DENND2A: variants seen among roughly 807,000 people sequenced by gnomAD.
DENND2A encodes the protein DENN domain-containing protein 2A.
In DENND2A, 53 loss-of-function variants were observed where a neutral mutation model predicts 105.3. That is an observed-to-expected ratio of 0.50 (90% CI 0.40 to 0.63). The LOEUF (loss-of-function observed/expected upper bound fraction) is 0.63. Ranked by LOEUF, DENND2A falls within the 30% of genes least tolerant of loss-of-function variation. The probability of loss-of-function intolerance (pLI) is 0.00; values close to 1 mark genes in which losing one functional copy is unlikely to be tolerated. For synonymous variants in DENND2A, 522 were observed against 508.4 expected (o/e 1.03, Z -0.36); for missense variants, 1,138 against 1,279.6 (o/e 0.89, Z 1.69).
chr7:140,577,981 C>T (rs962359840), intron 5 of DENND2A, among the ~76,000 whole-genome samples: 1 of 152,102 alleles, frequency 6.6e-6, no homozygotes, highest in Non-Finnish European at 1.5e-5. Flanking sequence ...GATCAGAGGA[C>T]CTTACACCAA....
At chr7:140,624,308 T>G (rs1007773617) in intron 1 of DENND2A, among the ~76,000 whole-genome samples, 2 of 152,100 alleles carry the variant, frequency 1.3e-5, no homozygotes, top group Non-Finnish European at 2.9e-5. Context: ...ACAGTGCTTC[T>G]CAGAGGTCCC....
intron 14 of DENND2A, among the ~76,000 whole-genome samples, chr7:140,539,897 C>A (rs955101132): frequency 2.6e-5 from 4 of 152,166 alleles, no homozygotes; most frequent in Non-Finnish European, 4.4e-5. Flanking sequence ...TATTGGGCAG[C>A]GGGGAGAGCA....
chr7:140,604,915 T>C (rs1278085392), intron 2 of DENND2A, among the ~76,000 whole-genome samples: 2 of 152,232 alleles, frequency 1.3e-5, no homozygotes, highest in African/African-American at 4.8e-5. Context: ...GTGCTCAAAG[T>C]ACAGCATACT....
chr7:140,518,834 G>C lies in DENND2A; in HGVS notation c.2999-96C>G, dbSNP rs886837301. On this transcript the variant is annotated intron_variant, in intron 19 of 19. Transcript: ENST00000496613. Reference sequence around the variant, plus strand: ...ACCCAGAAGTGGTGCGGGTAACGGGGCCCCCACGCCACCCCAGGGAGCCTC... The same window carrying C: ...ACCCAGAAGTGGTGCGGGTAACGGGCCCCCCACGCCACCCCAGGGAGCCTC... The C allele has an allele frequency of 3.6e-6, 4 of 1,110,036 alleles. No individual in the cohort carries two copies. In the African/African-American group the frequency reaches 6.2e-5, roughly 17 times the overall value. 68.8% of individuals were successfully genotyped at this position (1,110,036 alleles called of 1,614,324 possible). A position where few individuals can be genotyped will look rare whatever the true frequency, so the allele number is the denominator to read the frequency against.
rs1488085150 is a variant in DENND2A at position 140,577,897 on chromosome 7, G to T, written c.1246-3889C>A. Among the ~76,000 whole-genome samples, 5 of 152,114 alleles carry T rather than the reference G, an allele frequency of 3.3e-5. No homozygotes were observed. The East Asian group carries it at 7.7e-4, about 23-fold the overall frequency. On this transcript the variant is annotated intron_variant, in intron 5 of 19. Coordinates refer to ENST00000496613, the MANE Select transcript of DENND2A (RefSeq NM_015689.5). ...GTTGCTTGTCACACCCAGAACTATGGCATAAAAGGGAAGTCACTCTAGGAT... is the reference window on the plus strand; with the variant it reads ...GTTGCTTGTCACACCCAGAACTATGTCATAAAAGGGAAGTCACTCTAGGAT...
chr7:140,604,043 C>T (rs1471096455), intron 2 of DENND2A, among the ~76,000 whole-genome samples: 1 of 152,210 alleles, frequency 6.6e-6, no homozygotes, highest in African/African-American at 2.4e-5. Flanking sequence ...CCAATGCAAA[C>T]ATTATTCCAC....
At chr7:140,600,981 G>A (rs1799462655) in intron 3 of DENND2A, among the ~76,000 whole-genome samples, 1 of 152,194 alleles carries the variant, frequency 6.6e-6, no homozygotes, top group South Asian at 2.1e-4. Flanking sequence ...TAGATAACTT[G>A]TTTAAGGTCA....
intron 17 of DENND2A, among the ~76,000 whole-genome samples, chr7:140,522,308 ATTTTTATTTTG>A (rs1205766329): frequency 3.3e-5 from 5 of 152,054 alleles, no homozygotes; most frequent in African/African-American, 1.2e-4. Flanking sequence ...AAAAGTTTTT[ATTTTTATTTTG>A]TTTTTATTTT....
chr7:140,580,310 T>C (rs1223546530), intron 5 of DENND2A, among the ~76,000 whole-genome samples: 1 of 152,130 alleles, frequency 6.6e-6, no homozygotes, highest in Non-Finnish European at 1.5e-5. Context: ...TGCATGTATG[T>C]ATGCATGTAT....
intron 12 of DENND2A, among the ~76,000 whole-genome samples, chr7:140,547,415 A>G (rs1313914838): frequency 6.6e-6 from 1 of 152,194 alleles, no homozygotes; most frequent in Non-Finnish European, 1.5e-5. Context: ...GAAAATACAA[A>G]TCAAAAGCAC....
Position 140,522,109 on chromosome 7 carries a change from GGGGA to G in DENND2A, c.2666-13_2666-10del. On this transcript the variant is annotated splice_polypyrimidine_tract_variant and intron_variant, in intron 17 of 19. Transcript: ENST00000496613. ...GGGGCTGGACTCTGGACCTGAGTAA[GGGGA>G]GGAAAGGCCAGGAACGGTGAGGGCA... The G allele has an allele frequency of 6.2e-7, 1 of 1,613,770 alleles. No individual in the cohort carries two copies. Among genetic ancestry groups the G allele is most frequent in the Non-Finnish European group, 8.5e-7 (1 of 1,179,770 alleles).
At chr7:140,629,253 G>A (rs548835229) in intron 1 of DENND2A, among the ~76,000 whole-genome samples, 13 of 152,210 alleles carry the variant, frequency 8.5e-5, no homozygotes, top group Non-Finnish European at 1.8e-4. Context: ...TTCGAACACG[G>A]TGGCAAATGT....
rs535121792 is a variant in DENND2A, at chr7:140,624,351, AAAC to A, written c.-248+16150_-248+16152del. On this transcript the variant is annotated intron_variant, in intron 1 of 19. Transcript: ENST00000496613. ...TGAGGAAATTCAAGGAGGAAAGGCA[AAAC>A]AACAACAACAACACAACAACAACAA... Among the ~76,000 whole-genome samples the A allele has an allele frequency of 3.6e-3, 433 of 121,656 alleles. 2 individuals are homozygous for A. Among genetic ancestry groups the A allele is most frequent in the African/African-American group, 0.014 (414 of 30,360 alleles). The allele number at this position is 121,656 out of a possible 152,430, so 79.8% of individuals were successfully genotyped here.
chr7:140,586,291 G>A (rs1440711220), intron 4 of DENND2A, among the ~76,000 whole-genome samples: 1 of 151,926 alleles, frequency 6.6e-6, no homozygotes, highest in African/African-American at 2.4e-5. Flanking sequence ...GGCCGAAGGG[G>A]GTGGATCACT....
intron 14 of DENND2A, among the ~76,000 whole-genome samples, chr7:140,541,015 G>T (rs1796637160): frequency 6.6e-6 from 1 of 152,186 alleles, no homozygotes; most frequent in Admixed American, 6.5e-5. Flanking sequence ...ACTGAGCCTG[G>T]CTGGCATTTC....
chr7:140,521,566 C>T (rs1795862088), intron 18 of DENND2A, among the ~76,000 whole-genome samples: 1 of 152,168 alleles, frequency 6.6e-6, no homozygotes, highest in South Asian at 2.1e-4. Flanking sequence ...CGTGAGTCAC[C>T]CACTGTGCCC....
intron 1 of DENND2A, among the ~76,000 whole-genome samples, chr7:140,623,648 C>T (rs1800386876): frequency 1.3e-5 from 2 of 149,888 alleles, no homozygotes; most frequent in Admixed American, 6.7e-5. Flanking sequence ...GAATCACTTG[C>T]ACCCAGGAGG....
chr7:140,607,426 T>C (rs1000343615), intron 1 of DENND2A, among the ~76,000 whole-genome samples: 1 of 151,954 alleles, frequency 6.6e-6, no homozygotes, highest in Non-Finnish European at 1.5e-5. Context: ...CTGCCAACTG[T>C]GTGTGTGTGG....
rs1454983933 is a variant in DENND2A at position 140,621,761 on chromosome 7, T to C, written c.-247-15955A>G. Among the ~76,000 whole-genome samples the C allele has an allele frequency of 3.3e-5, 5 of 152,156 alleles. 1 individual carries two copies. Among genetic ancestry groups the C allele is most frequent in the Non-Finnish European group, 7.3e-5 (5 of 68,036 alleles). On this transcript the variant is annotated intron_variant, in intron 1 of 19. Coordinates refer to ENST00000496613, the MANE Select transcript of DENND2A (RefSeq NM_015689.5). ...ATAAGATGCACATGAATGTCTCCAA[T>C]ACAAAACACAGTCTGATAAGCAAAA...
Sources: gnomAD v4.1 joint callset for allele counts (sites outside exome capture counted in the v4.1 genomes callset) on GRCh38, gnomAD v4.1.1 for gene constraint, MANE v1.5 for transcripts, NCBI Gene and HGNC (gene_info 2026-07-23, HGNC 2026-07-21) for gene names.